The following DPH6 variants were observed in gnomAD, a reference collection of about 807,000 sequenced individuals.
DPH6 encodes the protein diphthine--ammonia ligase.
A neutral mutation model predicts 38.2 loss-of-function variants in DPH6; 33 were observed. That is an observed-to-expected ratio of 0.86 (90% CI 0.65 to 1.15). The LOEUF (loss-of-function observed/expected upper bound fraction) is 1.15, where lower values mean the gene tolerates loss of function less well. DPH6 is among the 50% of genes most tolerant of loss of function. The pLI is 0.00. For synonymous variants in DPH6, 108 were observed against 103.0 expected (o/e 1.05, Z -0.30); for missense variants, 325 against 320.0 (o/e 1.02, Z -0.12).
chr15:35,540,318 G>C (rs1440043148), intron 2 of DPH6, among the ~76,000 whole-genome samples: 2 of 152,176 alleles, frequency 1.3e-5, no homozygotes, highest in East Asian at 3.9e-4. Flanking sequence ...AGATGGTTTT[G>C]TGAATTTTAT....
Position 35,469,244 on chromosome 15 carries a change from A to G in DPH6, c.313-14424T>C, listed in dbSNP as rs150121157. Among the ~76,000 whole-genome samples, 62 of 152,344 alleles carry G rather than the reference A, an allele frequency of 4.1e-4. No homozygotes were observed. The East Asian group carries it at 6.9e-3, about 17-fold the overall frequency. On this transcript the variant is annotated intron_variant, in intron 3 of 8. Transcript: ENST00000256538. ...GCATGATAACATAAATATTGGATTT[A>G]CTTTTCTTATTGGTAAAATATATAT...
At chr15:35,327,326 G>C (rs1595480573), downstream of DPH6, among the ~76,000 whole-genome samples, 2 of 146,322 alleles carry the variant, frequency 1.4e-5, no homozygotes, top group South Asian at 4.3e-4. Context: ...AAAATTTCTA[G>C]AAAAGGTTCC....
At chr15:35,541,947 T>A (rs1446440592) in intron 2 of DPH6, among the ~76,000 whole-genome samples, 2 of 152,216 alleles carry the variant, frequency 1.3e-5, no homozygotes, top group East Asian at 3.9e-4. Context: ...CTGGCTTACA[T>A]CTAAAATAGG....
At chr15:35,327,661 G>A (rs1361140552), downstream of DPH6, among the ~76,000 whole-genome samples, 2 of 152,158 alleles carry the variant, frequency 1.3e-5, no homozygotes, top group South Asian at 2.1e-4. Context: ...GCAAGTGAGC[G>A]AAGTGAAAGT....
chr15:35,198,399 G>A, the DPH6 span, among the ~76,000 whole-genome samples: 1 of 152,146 alleles, frequency 6.6e-6, no homozygotes, highest in African/African-American at 2.4e-5. Context: ...TTGCTTAATA[G>A]CCCTACTAAC....
At chr15:35,516,347 G>A (rs16961158) in intron 3 of DPH6, among the ~76,000 whole-genome samples, 24,020 of 152,130 alleles carry the variant, frequency 0.16, 3,533 homozygotes, top group African/African-American at 0.39. Context: ...CTAGTGACAA[G>A]TAAGTATGTA....
the DPH6 span, among the ~76,000 whole-genome samples, chr15:35,182,503 T>C: frequency 6.6e-6 from 1 of 152,110 alleles, no homozygotes; most frequent in Non-Finnish European, 1.5e-5. Context: ...ATCGATAGCA[T>C]GTACACTTTT....
intron 3 of DPH6, among the ~76,000 whole-genome samples, chr15:35,340,103 G>A (rs115664142): frequency 0.03 from 4,553 of 152,170 alleles, 227 homozygotes; most frequent in African/African-American, 0.1. Flanking sequence ...AGATTTTCTT[G>A]TTGAATCAAA....
chr15:35,172,247 A>G, the DPH6 span, among the ~76,000 whole-genome samples: 1 of 152,188 alleles, frequency 6.6e-6, no homozygotes, highest in Middle Eastern at 3.2e-3. Context: ...AGCTGTCACT[A>G]TCTCAGCCAC....
intron 3 of DPH6, among the ~76,000 whole-genome samples, chr15:35,480,806 A>C (rs1332661059): frequency 1.3e-5 from 2 of 152,092 alleles, no homozygotes; most frequent in African/African-American, 4.8e-5. Context: ...TTGGGTAACC[A>C]CTGAGTAACC....
Position 35,492,614 on chromosome 15 carries a change from C to A in DPH6, c.313-37794G>T, listed in dbSNP as rs111913394. 2.9e-3 allele frequency among the ~76,000 whole-genome samples: 435 copies of A among 152,254 alleles called. 2 individuals are homozygous for A. The highest frequency in any genetic ancestry group is 0.01 in the African/African-American group (423 of 41,566). Reference sequence around the variant, plus strand: ...ATTTTCAAGTTTGGAAGCATTATAACCATGATTGAGCTGTTAAATAAATGC... The same window carrying A: ...ATTTTCAAGTTTGGAAGCATTATAAACATGATTGAGCTGTTAAATAAATGC... On this transcript the variant is annotated intron_variant, in intron 3 of 8. Transcript: ENST00000256538.
intron 6 of DPH6, among the ~76,000 whole-genome samples, chr15:35,404,575 A>G (rs938972679): frequency 3.3e-5 from 5 of 152,112 alleles, no homozygotes; most frequent in Admixed American, 6.6e-5. Flanking sequence ...TTGGATCATT[A>G]GATTTTTTTC....
In DPH6 at chr15:35,524,079, CT is replaced by C. The variant is rs538781607; in HGVS notation, c.312+14194del. The stretch of plus-strand genomic sequence containing the variant: ...GCTTCTCAAACTGTGTTATAAACCA[CT>C]TTTTTTTTTTACATTTCCAACCCTT... On this transcript the variant is annotated intron_variant, in intron 3 of 8. Transcript: ENST00000256538. Among the ~76,000 whole-genome samples, 1,378 of 145,610 alleles carry C rather than the reference CT, an allele frequency of 9.5e-3. 26 individuals carry two copies. The highest frequency in any genetic ancestry group is 0.031 in the African/African-American group (1,239 of 40,066).
At chr15:35,513,864 A>G (rs1208169370) in intron 3 of DPH6, among the ~76,000 whole-genome samples, 3 of 152,036 alleles carry the variant, frequency 2.0e-5, no homozygotes, top group Admixed American at 6.6e-5. Context: ...TTATAAAGCA[A>G]TATTTTAGCT....
downstream of DPH6, among the ~76,000 whole-genome samples, chr15:35,213,532 A>G (rs1053859668): frequency 7.9e-5 from 12 of 152,222 alleles, no homozygotes; most frequent in African/African-American, 2.4e-4. Context: ...AGGCCATAGC[A>G]GGCTTTTCTT....
intron 3 of DPH6, among the ~76,000 whole-genome samples, chr15:35,264,682 T>A (rs1168650634): frequency 6.6e-6 from 1 of 152,244 alleles, no homozygotes; most frequent in African/African-American, 2.4e-5. Flanking sequence ...AAGTACCAGT[T>A]TGGCACAACA....
intron 3 of DPH6, among the ~76,000 whole-genome samples, chr15:35,290,091 C>G (rs762911310): frequency 6.6e-6 from 1 of 152,168 alleles, no homozygotes; most frequent in Non-Finnish European, 1.5e-5. Flanking sequence ...TTGCAATGAA[C>G]ACACATTTTA....
chr15:35,382,570 T>C (rs1393325519), intron 6 of DPH6, among the ~76,000 whole-genome samples: 1 of 152,088 alleles, frequency 6.6e-6, no homozygotes, highest in African/African-American at 2.4e-5. Flanking sequence ...TGCAGCCAAA[T>C]TGGGCTCCCC....
At chr15:35,518,580 A>G (rs2054879351) in intron 3 of DPH6, among the ~76,000 whole-genome samples, 1 of 152,026 alleles carries the variant, frequency 6.6e-6, no homozygotes, top group South Asian at 2.1e-4. Context: ...GATTCCAAAG[A>G]CAGCTTATTT....
Sources: allele counts gnomAD v4.1 joint callset (sites outside exome capture counted in the v4.1 genomes callset), GRCh38; gene constraint gnomAD v4.1.1; transcripts MANE v1.5; gene names NCBI Gene and HGNC (gene_info 2026-07-23, HGNC 2026-07-21).